Variants in KCNK12 observed in about 807,000 individuals in gnomAD.
KCNK12 encodes potassium two pore domain channel subfamily K member 12.
Under a neutral mutation model 25.3 loss-of-function variants are expected in KCNK12, and 6 were observed. The ratio of observed to expected loss-of-function variants is 0.24; its 90% CI spans 0.13 to 0.47. The LOEUF is 0.47. Among genes scored for constraint, KCNK12 ranks in the 20% least tolerant of loss-of-function variants. The pLI, the probability that KCNK12 is intolerant of heterozygous loss-of-function variation, is 0.99. For missense variants in KCNK12, 444 were observed against 661.7 expected (o/e 0.67, Z 3.61); for synonymous variants, 331 against 311.1 (o/e 1.06, Z -0.67).
At chr2:47,567,754 C>T (rs1382905965) in intron 1 of KCNK12, among the ~76,000 whole-genome samples, 1 of 152,234 alleles carries the variant, frequency 6.6e-6, no homozygotes, top group Non-Finnish European at 1.5e-5. Flanking sequence ...AATATAACCA[C>T]ATGCTTCAGT....
In KCNK12 at chr2:47,537,732, C is replaced by T. The variant is rs150386552; in HGVS notation, c.392-15924G>A. ...ACTTTTGAAACCGTAAGTTCACTCCCAACAAGCACTGTTAAGTTTATAAAT... is the reference window on the plus strand; with the variant it reads ...ACTTTTGAAACCGTAAGTTCACTCCTAACAAGCACTGTTAAGTTTATAAAT... On this transcript the variant is annotated intron_variant, in intron 1 of 1. Coordinates refer to ENST00000327876, the MANE Select transcript of KCNK12 (RefSeq NM_022055.2). Among the ~76,000 whole-genome samples the T allele has an allele frequency of 7.5e-3, 1,137 of 152,292 alleles. 13 individuals are homozygous for T. The highest frequency in any genetic ancestry group is 0.025 in the African/African-American group (1,018 of 41,544).
rs1668652288 is a variant in KCNK12 at position 47,521,397 on chromosome 2, G to A, written c.803C>T (p.Ala268Val). The A allele has an allele frequency of 6.8e-6, 11 of 1,613,394 alleles. No individual in the cohort carries two copies. In the Admixed American group the frequency reaches 1.3e-4, roughly 20 times the overall value. ...GTAGAGCCCCTGGTTCCGGTAGGCG[G>A]CGTGCTGGCTGCTCACCAGGTCCCC... is the stretch of plus-strand genomic sequence containing the variant. ...GFGDLVSSQH[A>V]AYRNQGLYRL... The change falls in exon 2 of 2, where the codon GCC becomes GTC. Residue 268 changes from alanine to valine, a missense_variant. Physicochemically the swap from Ala to Val is moderately conservative, Grantham distance 64. Coordinates refer to ENST00000327876, the MANE Select transcript of KCNK12 (RefSeq NM_022055.2).
At chr2:47,524,169 A>T (rs533094391) in intron 1 of KCNK12, among the ~76,000 whole-genome samples, 1 of 152,376 alleles carries the variant, frequency 6.6e-6, no homozygotes, top group South Asian at 2.1e-4. Flanking sequence ...TGTGTAACCA[A>T]GAACTTGATA....
Position 47,521,417 on chromosome 2 carries a change from G to A in KCNK12, c.783C>T (p.Asp261=). The part of the protein sequence containing the change: ...FVTFSTIGFG[D]LVSSQHAAYR... ...AGGCGGCGTGCTGGCTGCTCACCAG[G>A]TCCCCGAAGCCGATGGTGCTGAAGG... The change falls in exon 2 of 2, where the codon GAC becomes GAT. Residue 261 remains aspartate (D), a synonymous_variant. Transcript: ENST00000327876. The A allele has an allele frequency of 6.2e-7, 1 of 1,613,550 alleles. No homozygotes were observed. The highest frequency in any genetic ancestry group is 2.2e-5 in the East Asian group (1 of 44,868).
At chr2:47,552,121 G>C (rs1669447441) in intron 1 of KCNK12, among the ~76,000 whole-genome samples, 1 of 152,144 alleles carries the variant, frequency 6.6e-6, no homozygotes, top group South Asian at 2.1e-4. Flanking sequence ...AAAAGAATAA[G>C]CTTTATGGAA....
rs1331138101 is a variant in KCNK12 at position 47,560,925 on chromosome 2, A to AG, written c.391+9015dup. ...TGCTCCGGGAGGCTTCTGCCTGGGA[A>AG]GGGGGTCCCGGTGCTTCCTCCACCC... is the stretch of plus-strand genomic sequence containing the variant. On this transcript the variant is annotated intron_variant, in intron 1 of 1. Coordinates refer to ENST00000327876, the MANE Select transcript of KCNK12 (RefSeq NM_022055.2). The surrounding 1 kb of genome is among the most constrained non-coding windows in gnomAD (Gnocchi z 4.7). Among the ~76,000 whole-genome samples, 2 of 152,076 alleles carry AG rather than the reference A, an allele frequency of 1.3e-5. No homozygotes were observed. Among genetic ancestry groups the AG allele is most frequent in the Non-Finnish European group, 2.9e-5 (2 of 68,016 alleles).
chr2:47,516,112 A>G lies in KCNK12; in HGVS notation c.*4795T>C, dbSNP rs919738397. On this transcript the variant is annotated 3_prime_UTR_variant, in exon 2 of 2. Transcript: ENST00000327876. ...CTAAATGACTGCCAGATCCAAAACTAGAATTCAGACCTCCTAGTTTCTAAG... is the reference window on the plus strand; with the variant it reads ...CTAAATGACTGCCAGATCCAAAACTGGAATTCAGACCTCCTAGTTTCTAAG... 2.0e-5 allele frequency among the ~76,000 whole-genome samples: 3 copies of G among 152,184 alleles called. No homozygotes were observed. Among genetic ancestry groups the G allele is most frequent in the African/African-American group, 7.2e-5 (3 of 41,436 alleles).
chr2:47,559,941 G>A (rs954599209), intron 1 of KCNK12, among the ~76,000 whole-genome samples: 5 of 152,348 alleles, frequency 3.3e-5, no homozygotes, highest in Middle Eastern at 3.4e-3. Flanking sequence ...CTTAAAGTGC[G>A]AGGTAAGGGG....
At chr2:47,537,502 T>C (rs1669100161) in intron 1 of KCNK12, among the ~76,000 whole-genome samples, 2 of 152,156 alleles carry the variant, frequency 1.3e-5, no homozygotes, top group South Asian at 4.1e-4. Context: ...AGCTAATTTT[T>C]ATATTTTTAA....
Position 47,570,272 on chromosome 2 carries a change from G to A in KCNK12, c.60C>T (p.Pro20=), listed in dbSNP as rs1194047643. The A allele has an allele frequency of 2.1e-6, 3 of 1,411,982 alleles. No homozygotes were observed. The highest frequency in any genetic ancestry group is 1.4e-5 in the South Asian group (1 of 69,346). The allele number at this position is 1,411,982 out of a possible 1,614,324, so 87.5% of individuals were successfully genotyped here. ...PRRSRRRLPR[P]SCCCCCCRRS... ...GGCGGCAGCAGCAGCAGCAGCAGGA[G>A]GGGCGCGGCAGGCGGCGGCGGCTAC... The change falls in exon 1 of 2, where the codon CCC becomes CCT. Residue 20 remains proline, a synonymous_variant. Transcript: ENST00000327876.
At chr2:47,563,275 C>T (rs577563997) in intron 1 of KCNK12, 1 of 233,534 alleles carries the variant, frequency 4.3e-6, no homozygotes, top group Non-Finnish European at 8.5e-6. Context: ...TAGCGCAACA[C>T]TCACCCCTTC....
At chr2:47,532,701 GCT>G (rs2104777034) in intron 1 of KCNK12, among the ~76,000 whole-genome samples, 1 of 152,342 alleles carries the variant, frequency 6.6e-6, no homozygotes, top group Non-Finnish European at 1.5e-5. Context: ...CCCTACAGGA[GCT>G]TTGTGAAGTG....
rs1428706317 is a variant in KCNK12 at position 47,518,491 on chromosome 2, C to T, written c.*2416G>A. On this transcript the variant is annotated 3_prime_UTR_variant, in exon 2 of 2. Coordinates refer to ENST00000327876, the MANE Select transcript of KCNK12 (RefSeq NM_022055.2). This position sits in a 1 kb window ranked among gnomAD's most constrained non-coding sequence, Gnocchi z 4.1. ...AAAACAGCTGAGGCTGCAGCATAAG[C>T]AACTTAGGATAGAGTCTAGGAAGCA... 1 of 152,226 alleles carries T rather than the reference C, an allele frequency of 6.6e-6. No homozygotes were observed. Among genetic ancestry groups the T allele is most frequent in the Non-Finnish European group, 1.5e-5 (1 of 68,058 alleles). The allele number at this position is 152,226 out of a possible 1,614,324, so 9.4% of individuals were successfully genotyped here. A position where few individuals can be genotyped will look rare whatever the true frequency, so the allele number is the denominator to read the frequency against.
rs142823464 is a variant in KCNK12, at chr2:47,561,749, G to C, written c.391+8192C>G. 1.1e-3 allele frequency among the ~76,000 whole-genome samples: 172 copies of C among 152,340 alleles called. No homozygotes were observed. The East Asian group carries it at 0.031, about 28-fold the overall frequency. ...TCTTCACTTTAGAGAGGAGGCAACT[G>C]AGGCAAGGAGAAGTATATCCACTCA... On this transcript the variant is annotated intron_variant, in intron 1 of 1. Transcript: ENST00000327876.
chr2:47,536,056 C>T (rs180810165), intron 1 of KCNK12, among the ~76,000 whole-genome samples: 302 of 152,248 alleles, frequency 2.0e-3, no homozygotes, highest in African/African-American at 6.9e-3. Flanking sequence ...ACCCAGACTC[C>T]CTGGTTTTCT....
rs997280440 is a variant in KCNK12, at chr2:47,570,508, C to A, written c.-177G>T. On this transcript the variant is annotated 5_prime_UTR_variant, in exon 1 of 2. Coordinates refer to ENST00000327876, the MANE Select transcript of KCNK12 (RefSeq NM_022055.2). ...CAGAGCCCGGACAGAGGGGCGCCTC[C>A]GCCTCCTCCCCGGCGCTCAGGCCAC... The A allele has an allele frequency of 5.2e-6, 3 of 572,776 alleles. No homozygotes were observed. In the Admixed American group the frequency reaches 1.4e-4, roughly 28 times the overall value. The allele number at this position is 572,776 out of a possible 1,614,324, so 35.5% of individuals were successfully genotyped here.
At chr2:47,524,124 C>T (rs1387685536) in intron 1 of KCNK12, among the ~76,000 whole-genome samples, 1 of 152,052 alleles carries the variant, frequency 6.6e-6, no homozygotes, top group East Asian at 1.9e-4. Flanking sequence ...GATTATGTCC[C>T]TAGATTTACA....
In KCNK12 at chr2:47,555,048, G is replaced by A. The variant is rs1388645673; in HGVS notation, c.391+14893C>T. ...AACAGCTTGTGAGGGGAACAGTCAAGAGTGGGATATAGCAGGAATCAGGAG... is the reference window on the plus strand; with the variant it reads ...AACAGCTTGTGAGGGGAACAGTCAAAAGTGGGATATAGCAGGAATCAGGAG... On this transcript the variant is annotated intron_variant, in intron 1 of 1. Coordinates refer to ENST00000327876, the MANE Select transcript of KCNK12 (RefSeq NM_022055.2). The surrounding 1 kb of genome is among the most constrained non-coding windows in gnomAD (Gnocchi z 4.5). Among the ~76,000 whole-genome samples, 4 of 152,236 alleles carry A rather than the reference G, an allele frequency of 2.6e-5. No homozygotes were observed. In the South Asian group the frequency reaches 6.2e-4, roughly 24 times the overall value.
Position 47,570,341 on chromosome 2 carries a change from CT to C in KCNK12, c.-11del, listed in dbSNP as rs1669866891. 1 of 1,252,872 alleles carries C rather than the reference CT, an allele frequency of 8.0e-7. No individual in the cohort carries two copies. Among genetic ancestry groups the C allele is most frequent in the Non-Finnish European group, 1.0e-6 (1 of 1,001,502 alleles). 77.6% of individuals were successfully genotyped at this position (1,252,872 alleles called of 1,614,324 possible). On this transcript the variant is annotated 5_prime_UTR_variant, in exon 1 of 2. An upstream open reading frame in the 5' UTR loses its in-frame stop. Coordinates refer to ENST00000327876, the MANE Select transcript of KCNK12 (RefSeq NM_022055.2). Reference sequence around the variant, plus strand: ...GGCTGCGGGAGGACATGGTCCGGAGCTCAGCCCCGGGGCCGGGGCGGCGCTC... The same window carrying C: ...GGCTGCGGGAGGACATGGTCCGGAGCCAGCCCCGGGGCCGGGGCGGCGCTC...
Sources: gnomAD v4.1 joint callset for allele counts (sites outside exome capture counted in the v4.1 genomes callset) on GRCh38, gnomAD v4.1.1 for gene constraint, Gnocchi (gnomAD v3.1) non-coding constraint, MANE v1.5 for transcripts, NCBI Gene and HGNC (gene_info 2026-07-23, HGNC 2026-07-21) for gene names.